The following DGKG variants were observed in gnomAD, a reference collection of about 807,000 sequenced individuals.
DGKG encodes DAG kinase gamma.
Under a neutral mutation model 105.3 loss-of-function variants are expected in DGKG, and 78 were observed. The observed-to-expected ratio is 0.74, with a 90% CI of 0.62 to 0.89. The LOEUF is 0.89. Among genes scored for constraint, DGKG ranks in the 40% least tolerant of loss-of-function variants. The probability of loss-of-function intolerance (pLI) is 0.00; values close to 1 mark genes in which losing one functional copy is unlikely to be tolerated. For missense variants in DGKG, 958 were observed against 1,020.1 expected (o/e 0.94, Z 0.83); for synonymous variants, 346 against 367.1 (o/e 0.94, Z 0.66).
chr3:186,210,922 T>C lies in DGKG; in HGVS notation c.1917+873A>G, dbSNP rs1480507703. Among the ~76,000 whole-genome samples, 1 of 152,186 alleles carries C rather than the reference T, an allele frequency of 6.6e-6. No homozygotes were observed. The highest frequency in any genetic ancestry group is 1.9e-4 in the East Asian group (1 of 5,186). On this transcript the variant is annotated intron_variant, in intron 21 of 24. Transcript: ENST00000265022. The surrounding 1 kb of genome is among the most constrained non-coding windows in gnomAD (Gnocchi z 5.2). ...TAAAGTCCCACGGAGCAGGTGTGCA[T>C]AGAAGTTTGGGCTTTCAGGTGGCCA... is the stretch of plus-strand genomic sequence containing the variant.
intron 22 of DGKG, among the ~76,000 whole-genome samples, chr3:186,176,093 G>GT (rs968233405): frequency 2.0e-5 from 3 of 152,216 alleles, no homozygotes; most frequent in African/African-American, 7.2e-5. Flanking sequence ...GTGAGCTTGG[G>GT]TGGGGGTGAG....
intron 21 of DGKG, 45 bp from the exon 22 acceptor site, chr3:186,188,424 G>A (rs1717745250): frequency 1.3e-6 from 2 of 1,599,380 alleles, no homozygotes; most frequent in African/African-American, 2.7e-5. Flanking sequence ...TCCTCAGTGT[G>A]TCACAACCCA....
chr3:186,195,529 G>C (rs79605814), intron 21 of DGKG, among the ~76,000 whole-genome samples: 133 of 152,120 alleles, frequency 8.7e-4, no homozygotes, highest in African/African-American at 3.2e-3. Flanking sequence ...TGAAGAAATG[G>C]GTCATTTGTC....
At chr3:186,248,932 G>A (rs1721075338) in intron 19 of DGKG, among the ~76,000 whole-genome samples, 1 of 152,184 alleles carries the variant, frequency 6.6e-6, no homozygotes, top group Admixed American at 6.5e-5. Flanking sequence ...CTCAATAAAT[G>A]TTAGCAAGTT....
intron 22 of DGKG, among the ~76,000 whole-genome samples, chr3:186,174,740 G>C (rs942767083): frequency 6.6e-6 from 1 of 151,684 alleles, no homozygotes; most frequent in East Asian, 1.9e-4. Flanking sequence ...TCTTGTTCCT[G>C]GGCTGAGCAA....
At chr3:186,299,767 C>CTTTCTTTCTTTCTT (rs1291713917) in intron 3 of DGKG, among the ~76,000 whole-genome samples, 6 of 95,550 alleles carry the variant, frequency 6.3e-5, no homozygotes, top group Admixed American at 2.3e-4. Context: ...TTCTTCTTTT[C>CTTTCTTTCTTTCTT]TCTTTCTTTC....
chr3:186,331,228 A>G (rs1218495770), intron 1 of DGKG, among the ~76,000 whole-genome samples: 8 of 152,240 alleles, frequency 5.3e-5, no homozygotes, highest in Non-Finnish European at 7.3e-5. Context: ...CAAGACTGAC[A>G]TGCAATGACA....
rs183978501 is a variant in DGKG, at chr3:186,309,168, G to T, written c.68-2191C>A. On this transcript the variant is annotated intron_variant, in intron 2 of 24. Transcript: ENST00000265022. ...AAATTAAGATGAAAGTGGGGTAGGG[G>T]TGGGAACTGAGGCTGCCCTATAAAG... Among the ~76,000 whole-genome samples the T allele has an allele frequency of 5.9e-5, 9 of 152,316 alleles. No individual in the cohort carries two copies. In the East Asian group the frequency reaches 1.5e-3, roughly 26 times the overall value.
At chr3:186,245,783 A>T (rs567170573) in intron 19 of DGKG, among the ~76,000 whole-genome samples, 2 of 152,316 alleles carry the variant, frequency 1.3e-5, no homozygotes, top group African/African-American at 4.8e-5. Context: ...TGCATCAGTC[A>T]TTTGGACTCT....
intron 1 of DGKG, among the ~76,000 whole-genome samples, chr3:186,322,164 T>C (rs1725111263): frequency 6.6e-6 from 1 of 152,150 alleles, no homozygotes. Flanking sequence ...AGCAAAGATA[T>C]AGAATCAGCC....
At chr3:186,224,499 G>A (rs1719753463) in intron 20 of DGKG, among the ~76,000 whole-genome samples, 1 of 152,158 alleles carries the variant, frequency 6.6e-6, no homozygotes, top group African/African-American at 2.4e-5. Flanking sequence ...AGTTATATGA[G>A]TATGTGCACT....
intron 20 of DGKG, among the ~76,000 whole-genome samples, chr3:186,238,247 G>A (rs1243379382): frequency 3.3e-5 from 4 of 119,956 alleles, no homozygotes; most frequent in Non-Finnish European, 6.4e-5. Flanking sequence ...AGTGAGCCAA[G>A]ATCACACCAC....
intron 3 of DGKG, among the ~76,000 whole-genome samples, chr3:186,300,843 C>T (rs1488949791): frequency 2.0e-5 from 3 of 152,190 alleles, no homozygotes; most frequent in African/African-American, 7.2e-5. Context: ...TTCAGGAAAC[C>T]TCGTGACTGG....
intron 21 of DGKG, among the ~76,000 whole-genome samples, chr3:186,206,171 G>C (rs973958329): frequency 2.6e-5 from 4 of 152,154 alleles, no homozygotes; most frequent in African/African-American, 9.7e-5. Flanking sequence ...GGATCATGAG[G>C]TCAGGAGTTC....
intron 1 of DGKG, among the ~76,000 whole-genome samples, chr3:186,328,575 CTT>C (rs34252507): frequency 2.8e-5 from 4 of 141,100 alleles, no homozygotes; most frequent in Admixed American, 7.1e-5. Context: ...CTACACCATT[CTT>C]TTTTTTTTTT....
chr3:186,280,034 T>G, intron 8 of DGKG, 61 bp from the exon 9 acceptor site: 1 of 1,598,428 alleles, frequency 6.3e-7, no homozygotes, highest in South Asian at 1.1e-5. Flanking sequence ...ACCTGCCTTC[T>G]GCCTCTGCTG....
chr3:186,219,204 G>T (rs1328759787), intron 20 of DGKG, among the ~76,000 whole-genome samples: 1 of 150,922 alleles, frequency 6.6e-6, no homozygotes, highest in Non-Finnish European at 1.5e-5. Flanking sequence ...CTGCTCTGAG[G>T]CCAGGATGTC....
intron 20 of DGKG, among the ~76,000 whole-genome samples, chr3:186,239,643 G>T (rs913835961): frequency 6.6e-6 from 1 of 152,156 alleles, no homozygotes; most frequent in Non-Finnish European, 1.5e-5. Context: ...GGAAGCGTTC[G>T]GTGACCTTGT....
chr3:186,228,597 G>A (rs955324727), intron 20 of DGKG, among the ~76,000 whole-genome samples: 6 of 152,000 alleles, frequency 3.9e-5, no homozygotes, highest in African/African-American at 1.2e-4. Context: ...CACTCCACCC[G>A]GGAACCTCCG....
Sources: allele counts gnomAD v4.1 joint callset (sites outside exome capture counted in the v4.1 genomes callset), GRCh38; gene constraint gnomAD v4.1.1; non-coding constraint Gnocchi (gnomAD v3.1); transcripts MANE v1.5; gene names NCBI Gene and HGNC (gene_info 2026-07-23, HGNC 2026-07-21).